The following CCDC7 variants were observed in gnomAD, a reference collection of about 807,000 sequenced individuals.
CCDC7 encodes coiled-coil domain containing 7.
Under a neutral mutation model 196.9 loss-of-function variants are expected in CCDC7, and 183 were observed. The observed-to-expected ratio is 0.93, with a 90% CI of 0.82 to 1.05. The LOEUF is 1.05. Among genes scored for constraint, CCDC7 ranks in the 50% least tolerant of loss-of-function variants. The pLI is 0.00. For missense variants in CCDC7, 1,540 were observed against 1,482.2 expected, an observed-to-expected ratio of 1.04 and a Z score of -0.64; for synonymous variants, 525 against 484.6, an observed-to-expected ratio of 1.08 and a Z score of -1.10.
chr10:32,850,060 A>G (rs2093487966), intron 39 of CCDC7, among the ~76,000 whole-genome samples: 1 of 152,172 alleles, frequency 6.6e-6, no homozygotes, highest in South Asian at 2.1e-4. Context: ...AGGAATTGCT[A>G]CTTTTGGGAT....
At chr10:32,663,273 C>T (rs2071901806) in intron 20 of CCDC7, among the ~76,000 whole-genome samples, 1 of 152,132 alleles carries the variant, frequency 6.6e-6, no homozygotes, top group Non-Finnish European at 1.5e-5. Flanking sequence ...CATACTTTTT[C>T]ATCACACATG....
intron 18 of CCDC7, among the ~76,000 whole-genome samples, chr10:32,628,925 C>T (rs1763788): frequency 0.34 from 52,245 of 151,902 alleles, 11,425 homozygotes; most frequent in Non-Finnish European, 0.5. Flanking sequence ...TATGTGTGAT[C>T]TTTTCCAGAG....
At chr10:32,768,264 TA>T (rs1365143033) in intron 28 of CCDC7, among the ~76,000 whole-genome samples, 1 of 152,158 alleles carries the variant, frequency 6.6e-6, no homozygotes, top group Non-Finnish European at 1.5e-5. Context: ...TGGTTAAATA[TA>T]TTCCTAAGTA....
At chr10:32,617,654 T>C (rs1203513740) in intron 18 of CCDC7, among the ~76,000 whole-genome samples, 1 of 152,020 alleles carries the variant, frequency 6.6e-6, no homozygotes, top group African/African-American at 2.4e-5. Flanking sequence ...GAGAAGACAC[T>C]TGATATGATT....
At chr10:32,771,705 T>C (rs2079188609) in intron 28 of CCDC7, among the ~76,000 whole-genome samples, 1 of 152,150 alleles carries the variant, frequency 6.6e-6, no homozygotes, top group South Asian at 2.1e-4. Flanking sequence ...ATAGACTCTG[T>C]GAAAGTACTT....
intron 32 of CCDC7, among the ~76,000 whole-genome samples, chr10:32,831,201 CAT>C (rs747532650): frequency 1.2e-4 from 19 of 152,184 alleles, no homozygotes; most frequent in Non-Finnish European, 2.2e-4. Flanking sequence ...TGTATCTAAA[CAT>C]AGAAAAGATA....
chr10:32,628,209 C>T (rs1012569406), intron 18 of CCDC7, among the ~76,000 whole-genome samples: 1 of 151,816 alleles, frequency 6.6e-6, no homozygotes, highest in African/African-American at 2.4e-5. Context: ...TTGGTCTGTT[C>T]AGATTTTCTA....
chr10:32,457,794 A>G (rs1320796172), intron 3 of CCDC7, among the ~76,000 whole-genome samples: 1 of 151,752 alleles, frequency 6.6e-6, no homozygotes, highest in African/African-American at 2.4e-5. Context: ...GATGATGAGC[A>G]TTTTTTTCAT....
At chr10:32,666,825 A>G (rs1022370124) in intron 21 of CCDC7, among the ~76,000 whole-genome samples, 2 of 152,042 alleles carry the variant, frequency 1.3e-5, no homozygotes, top group Non-Finnish European at 2.9e-5. Context: ...GAATAGTGCC[A>G]CAATAAACAT....
chr10:32,695,008 A>G lies in CCDC7; in HGVS notation c.2458+16A>G, dbSNP rs2077528633. ...AGACATAGTAGTAAGTATAATAATT[A>G]TAGATAACTTAAAAATTTTAAAGTT... On this transcript the variant is annotated intron_variant, in intron 24 of 41. Transcript: ENST00000639629. 1 of 1,385,396 alleles carries G rather than the reference A, an allele frequency of 7.2e-7. No homozygotes were observed. The highest frequency in any genetic ancestry group is 2.1e-5 in the Admixed American group (1 of 47,394). 85.8% of individuals were successfully genotyped at this position (1,385,396 alleles called of 1,614,324 possible). A position where few individuals can be genotyped will look rare whatever the true frequency, so the allele number is the denominator to read the frequency against.
At chr10:32,446,945 TCCTCCCTCCCTC>T (rs71027089), upstream of CCDC7, among the ~76,000 whole-genome samples, 9 of 90,138 alleles carry the variant, frequency 1.0e-4, no homozygotes, top group Non-Finnish European at 1.5e-4. Context: ...CCTCTTCCCT[TCCTCCCTCCCTC>T]CCTCCCTCCC....
chr10:32,477,272 C>T (rs1356724355), intron 8 of CCDC7, among the ~76,000 whole-genome samples: 6 of 151,194 alleles, frequency 4.0e-5, no homozygotes, highest in South Asian at 2.1e-4. Flanking sequence ...GGTGCAATCT[C>T]GACCCACTGC....
Position 32,596,751 on chromosome 10 carries a change from T to C in CCDC7, c.1801+12447T>C, listed in dbSNP as rs530919120. Among the ~76,000 whole-genome samples the C allele has an allele frequency of 5.3e-5, 8 of 152,336 alleles. No individual in the cohort carries two copies. The East Asian group carries it at 1.2e-3, about 22-fold the overall frequency. ...AACAAAATCTCTCCGCATTTGTTTG[T>C]CTGTAAAGTATTTTATTTCTCCATC... On this transcript the variant is annotated intron_variant, in intron 18 of 41. Coordinates refer to ENST00000639629, the Ensembl canonical transcript of CCDC7.
intron 28 of CCDC7, among the ~76,000 whole-genome samples, chr10:32,777,737 G>A (rs532597456): frequency 3.3e-5 from 5 of 152,066 alleles, no homozygotes; most frequent in African/African-American, 9.6e-5. Context: ...GGTGGCATGC[G>A]CCTGTAATCC....
intron 18 of CCDC7, among the ~76,000 whole-genome samples, chr10:32,600,919 C>T (rs117028692): frequency 1.9e-3 from 290 of 152,228 alleles, no homozygotes; most frequent in Non-Finnish European, 2.9e-3. Flanking sequence ...TCATGAACTC[C>T]CTATGTTTTT....
chr10:32,749,010 G>A (rs1281369667), intron 28 of CCDC7, among the ~76,000 whole-genome samples: 1 of 152,092 alleles, frequency 6.6e-6, no homozygotes, highest in African/African-American at 2.4e-5. Flanking sequence ...CTCCTTGGTG[G>A]TTTTATCCTT....
At chr10:32,551,892 T>G (rs1246567908) in intron 13 of CCDC7, among the ~76,000 whole-genome samples, 1 of 152,184 alleles carries the variant, frequency 6.6e-6, no homozygotes, top group Non-Finnish European at 1.5e-5. Flanking sequence ...GATGAAATGT[T>G]CTGTATACAT....
At chr10:32,669,704 C>A (rs184698926) in intron 21 of CCDC7, among the ~76,000 whole-genome samples, 3 of 151,986 alleles carry the variant, frequency 2.0e-5, no homozygotes, top group Non-Finnish European at 4.4e-5. Flanking sequence ...TCTTTTGTAT[C>A]TCTGTGTCAT....
intron 20 of CCDC7, among the ~76,000 whole-genome samples, chr10:32,643,997 AG>A (rs1176857947): frequency 6.8e-6 from 1 of 147,684 alleles, no homozygotes; most frequent in Non-Finnish European, 1.5e-5. Context: ...AACAATTCAG[AG>A]GCTTCACAAT....
Sources: gnomAD v4.1 joint callset for allele counts (sites outside exome capture counted in the v4.1 genomes callset) on GRCh38, gnomAD v4.1.1 for gene constraint, MANE v1.5 for transcripts, NCBI Gene and HGNC (gene_info 2026-07-23, HGNC 2026-07-21) for gene names.